Variants in ASTN2 observed in about 807,000 individuals in gnomAD.
ASTN2 encodes astrotactin-2.
ASTN2 carries 54 observed loss-of-function variants against 139.8 expected under a neutral mutation model. The ratio of observed to expected loss-of-function variants is 0.39; its 90% CI spans 0.31 to 0.48. The LOEUF (loss-of-function observed/expected upper bound fraction) is 0.48. Among genes scored for constraint, ASTN2 ranks in the 20% least tolerant of loss-of-function variants. The pLI, the probability that ASTN2 is intolerant of heterozygous loss-of-function variation, is 0.95. For synonymous variants in ASTN2, 756 were observed against 719.5 expected (o/e 1.05, Z -0.81); for missense variants, 1,565 against 1,725.1 (o/e 0.91, Z 1.64).
intron 16 of ASTN2, among the ~76,000 whole-genome samples, chr9:116,693,793 T>G (rs1860695294): frequency 6.6e-6 from 1 of 152,230 alleles, no homozygotes; most frequent in Admixed American, 6.5e-5. Context: ...ATTCCTTTTA[T>G]TTGTGTAGTC....
chr9:116,928,865 C>T (rs1022530471), intron 10 of ASTN2, among the ~76,000 whole-genome samples: 37 of 152,086 alleles, frequency 2.4e-4, no homozygotes, highest in African/African-American at 8.5e-4. Flanking sequence ...TTTTTCATCC[C>T]TTCACAAGAA....
At position 116,565,383 on chromosome 9, in the gene ASTN2, CTCTCCATATA is replaced by C. The variant is rs1394876778; in HGVS notation, c.3355+52931_3355+52940del. ...TCTCTCTCTCTCTCTCTCTCTCTCT[CTCTCCATATA>C]TATATATATATATATATATATATAT... On this transcript the variant is annotated intron_variant, in intron 19 of 22. Transcript: ENST00000313400. Among the ~76,000 whole-genome samples, 126 of 36,058 alleles carry C rather than the reference CTCTCCATATA, an allele frequency of 3.5e-3. 2 individuals are homozygous for C. The highest frequency in any genetic ancestry group is 0.011 in the African/African-American group (76 of 6,644). The allele number at this position is 36,058 out of a possible 152,430, so 23.7% of individuals were successfully genotyped here.
At chr9:117,023,121 A>G (rs1002369559) in intron 6 of ASTN2, among the ~76,000 whole-genome samples, 1 of 152,174 alleles carries the variant, frequency 6.6e-6, no homozygotes, top group Non-Finnish European at 1.5e-5. Context: ...GGAATGAACC[A>G]GCTTAGCCTA....
chr9:117,018,289 T>G (rs957649829), intron 6 of ASTN2, among the ~76,000 whole-genome samples: 2 of 152,166 alleles, frequency 1.3e-5, no homozygotes, highest in Non-Finnish European at 2.9e-5. Context: ...GCAGCCTGTT[T>G]CCACTTCTTA....
rs765206188 is a variant in ASTN2 at position 116,975,351 on chromosome 9, A to G, written c.1752-6T>C. 5 of 1,596,524 alleles carry G rather than the reference A, an allele frequency of 3.1e-6. No individual in the cohort carries two copies. The highest frequency in any genetic ancestry group is 1.8e-5 in the Admixed American group (1 of 57,118). On this transcript the variant is annotated splice_polypyrimidine_tract_variant and splice_region_variant and intron_variant, in intron 9 of 22. Transcript: ENST00000313400. ...GGCCCAAGCTGAAAGTAGACCTGCA[A>G]TGTAAGAGTTTCCATTGGGGAACTC...
chr9:116,622,033 C>T (rs1856182053), intron 17 of ASTN2, among the ~76,000 whole-genome samples: 2 of 152,288 alleles, frequency 1.3e-5, no homozygotes, highest in African/African-American at 4.8e-5. Context: ...GCATGATGTT[C>T]CTATTTTTCA....
intron 3 of ASTN2, among the ~76,000 whole-genome samples, chr9:117,149,048 C>T (rs1221808635): frequency 6.6e-6 from 1 of 151,334 alleles, no homozygotes; most frequent in Admixed American, 6.6e-5. Flanking sequence ...GAGACGGAGT[C>T]TCACTCCATT....
At chr9:117,267,731 C>T (rs1315718846) in intron 2 of ASTN2, among the ~76,000 whole-genome samples, 1 of 152,216 alleles carries the variant, frequency 6.6e-6, no homozygotes, top group East Asian at 1.9e-4. Flanking sequence ...AGCTCACTCT[C>T]TGACTTTGTT....
chr9:117,394,779 C>G (rs1201101226), intron 1 of ASTN2, among the ~76,000 whole-genome samples: 4 of 152,108 alleles, frequency 2.6e-5, no homozygotes, highest in Admixed American at 2.6e-4. Context: ...GAGAGACAAG[C>G]AATAGAGGCG....
intron 1 of ASTN2, among the ~76,000 whole-genome samples, chr9:117,354,171 A>G (rs1413455020): frequency 1.3e-5 from 2 of 151,862 alleles, no homozygotes; most frequent in Non-Finnish European, 2.9e-5. Flanking sequence ...AGTATAAGGA[A>G]CTCTCTGTAC....
At position 116,541,577 on chromosome 9, in the gene ASTN2, G is replaced by A. The variant is rs181964632; in HGVS notation, c.3356-54077C>T. ...TATTGCCCAGGAATTACAGCTGATA[G>A]TACTAAGGTACCAGGAAGATAGGCA... On this transcript the variant is annotated intron_variant, in intron 19 of 22. Transcript: ENST00000313400. 9.8e-5 allele frequency among the ~76,000 whole-genome samples: 15 copies of A among 152,312 alleles called. 1 individual carries two copies. In the East Asian group the frequency reaches 2.9e-3, roughly 29 times the overall value.
chr9:117,177,833 A>G (rs1308223683), intron 3 of ASTN2, among the ~76,000 whole-genome samples: 1 of 152,158 alleles, frequency 6.6e-6, no homozygotes, highest in East Asian at 1.9e-4. Context: ...CTAATCCTCC[A>G]TGCTTCCTTT....
chr9:117,358,295 CAT>C (rs1554722617), intron 1 of ASTN2, among the ~76,000 whole-genome samples: 2 of 142,030 alleles, frequency 1.4e-5, no homozygotes, highest in South Asian at 2.3e-4. Flanking sequence ...CACACACACA[CAT>C]ACACATCCAC....
intron 2 of ASTN2, among the ~76,000 whole-genome samples, chr9:117,250,001 G>C (rs905350923): frequency 6.6e-6 from 1 of 152,198 alleles, no homozygotes; most frequent in Non-Finnish European, 1.5e-5. Context: ...GGAAGCACAT[G>C]TATCAGCTTC....
chr9:116,777,170 A>T (rs2132196893), intron 13 of ASTN2, among the ~76,000 whole-genome samples: 1 of 152,306 alleles, frequency 6.6e-6, no homozygotes, highest in African/African-American at 2.4e-5. Flanking sequence ...GGTAAGGGCC[A>T]GAGACTCTCA....
chr9:116,852,623 C>T (rs1052794891), intron 11 of ASTN2, among the ~76,000 whole-genome samples: 2 of 152,014 alleles, frequency 1.3e-5, no homozygotes, highest in Admixed American at 1.3e-4. Context: ...CAGAGAGAAG[C>T]TGGAGAATAC....
chr9:116,925,861 A>AACACACAAAC (rs1554761467), intron 10 of ASTN2, among the ~76,000 whole-genome samples: 21 of 54,138 alleles, frequency 3.9e-4, no homozygotes, highest in South Asian at 2.2e-3. Flanking sequence ...TACACAACAC[A>AACACACAAAC]ACACACACAC....
chr9:116,983,499 C>T (rs777362336), intron 7 of ASTN2, among the ~76,000 whole-genome samples: 15 of 152,192 alleles, frequency 9.9e-5, no homozygotes, highest in Non-Finnish European at 1.8e-4. Context: ...CTTGCTTACA[C>T]CACCACAAAC....
chr9:117,077,689 A>G (rs959786808), intron 5 of ASTN2, among the ~76,000 whole-genome samples: 3 of 152,194 alleles, frequency 2.0e-5, no homozygotes, highest in African/African-American at 7.2e-5. Context: ...TGGAGGCTGC[A>G]GTGAGCTAAG....
Sources: allele counts gnomAD v4.1 joint callset (sites outside exome capture counted in the v4.1 genomes callset), GRCh38; gene constraint gnomAD v4.1.1; transcripts MANE v1.5; gene names NCBI Gene and HGNC (gene_info 2026-07-23, HGNC 2026-07-21).